The following CCSER1 variants were observed in gnomAD, a reference collection of about 807,000 sequenced individuals.
CCSER1 encodes the protein coiled-coil serine rich protein 1, also known as serine-rich coiled-coil domain-containing protein 1.
CCSER1 carries 41 observed loss-of-function variants against 82.0 expected under a neutral mutation model. That is an observed-to-expected ratio of 0.50 (90% CI 0.39 to 0.65). The LOEUF is 0.65. Among genes scored for constraint, CCSER1 ranks in the 30% least tolerant of loss-of-function variants. The probability of loss-of-function intolerance (pLI) is 0.00; values close to 1 mark genes in which losing one functional copy is unlikely to be tolerated. For missense variants in CCSER1, 1,119 were observed against 1,064.2 expected, an observed-to-expected ratio of 1.05 and a Z score of -0.72; for synonymous variants, 414 against 383.9, an observed-to-expected ratio of 1.08 and a Z score of -0.92.
At chr4:90,503,103 A>G (rs1215889328) in intron 5 of CCSER1, among the ~76,000 whole-genome samples, 2 of 152,160 alleles carry the variant, frequency 1.3e-5, no homozygotes, top group African/African-American at 2.4e-5. Flanking sequence ...ACCAGAAAAA[A>G]CTGAGTCCCT....
intron 10 of CCSER1, among the ~76,000 whole-genome samples, chr4:91,094,235 G>A (rs1028764951): frequency 2.6e-5 from 4 of 152,182 alleles, no homozygotes; most frequent in African/African-American, 9.7e-5. Flanking sequence ...CCCGAAGATG[G>A]TGGGGTAATT....
chr4:90,706,222 T>C (rs1049088426), intron 6 of CCSER1, among the ~76,000 whole-genome samples: 7 of 152,232 alleles, frequency 4.6e-5, no homozygotes, highest in Non-Finnish European at 7.3e-5. Flanking sequence ...GTAACAACCC[T>C]AATGGACTAA....
Position 91,342,076 on chromosome 4 carries a change from A to G in CCSER1, c.2217+256082A>G, listed in dbSNP as rs182771744. Among the ~76,000 whole-genome samples the G allele has an allele frequency of 6.6e-5, 10 of 152,328 alleles. No individual in the cohort carries two copies. In the East Asian group the frequency reaches 1.9e-3, roughly 29 times the overall value. On this transcript the variant is annotated intron_variant, in intron 10 of 10. Coordinates refer to ENST00000509176, the MANE Select transcript of CCSER1 (RefSeq NM_001145065.2). ...ATTTCTGTCACCTGTTTTGCTGCATAAAAGTGAATAGGCTAAAAATCTAAA... is the reference window on the plus strand; with the variant it reads ...ATTTCTGTCACCTGTTTTGCTGCATGAAAGTGAATAGGCTAAAAATCTAAA...
intron 10 of CCSER1, among the ~76,000 whole-genome samples, chr4:91,346,426 T>G (rs1175735974): frequency 1.3e-5 from 2 of 152,218 alleles, no homozygotes; most frequent in Non-Finnish European, 2.9e-5. Context: ...GCAATTGTGA[T>G]TAAAACTGCG....
chr4:90,475,383 TGAG>T (rs779125110), intron 5 of CCSER1, among the ~76,000 whole-genome samples: 54 of 152,294 alleles, frequency 3.5e-4, no homozygotes, highest in Middle Eastern at 3.4e-3. Flanking sequence ...AAGCAGCATC[TGAG>T]GAGATCAGTG....
chr4:90,848,924 G>A (rs1013292721), intron 8 of CCSER1, among the ~76,000 whole-genome samples: 1 of 152,224 alleles, frequency 6.6e-6, no homozygotes, highest in African/African-American at 2.4e-5. Context: ...GTGGAGAGGT[G>A]CCTTCTGCCA....
chr4:90,686,063 T>C (rs1273159640), intron 6 of CCSER1, among the ~76,000 whole-genome samples: 2 of 152,150 alleles, frequency 1.3e-5, no homozygotes, highest in African/African-American at 4.8e-5. Flanking sequence ...AGGCTTACAG[T>C]TACCTTGATA....
At chr4:90,188,691 C>T (rs185509957) in intron 1 of CCSER1, among the ~76,000 whole-genome samples, 10 of 151,912 alleles carry the variant, frequency 6.6e-5, no homozygotes, top group Non-Finnish European at 1.0e-4. Flanking sequence ...ACTTAGCAGG[C>T]GCATCTAGAA....
At position 90,538,862 on chromosome 4, in the gene CCSER1, G is replaced by T. The variant is rs1775749548; in HGVS notation, c.1724+70508G>T. 1.3e-5 allele frequency among the ~76,000 whole-genome samples: 2 copies of T among 151,932 alleles called. 1 individual carries two copies. Among genetic ancestry groups the T allele is most frequent in the Non-Finnish European group, 2.9e-5 (2 of 67,922 alleles). ...GGACTTTGTGAACTGAATCATTCAA[G>T]TATAAAATATTTTAAATTATTTTTC... On this transcript the variant is annotated intron_variant, in intron 5 of 10. Coordinates refer to ENST00000509176, the MANE Select transcript of CCSER1 (RefSeq NM_001145065.2).
At chr4:91,520,080 T>C (rs1476917070) in intron 10 of CCSER1, among the ~76,000 whole-genome samples, 1 of 152,216 alleles carries the variant, frequency 6.6e-6, no homozygotes, top group Non-Finnish European at 1.5e-5. Context: ...TTATGTCTTT[T>C]CTGTTCCTTG....
At chr4:90,908,650 G>T (rs1383991970) in intron 8 of CCSER1, among the ~76,000 whole-genome samples, 1 of 151,922 alleles carries the variant, frequency 6.6e-6, no homozygotes, top group Non-Finnish European at 1.5e-5. Flanking sequence ...AAACTTTTTT[G>T]TACTGATTCT....
At chr4:90,352,989 G>A (rs1252220951) in intron 3 of CCSER1, among the ~76,000 whole-genome samples, 1 of 124,750 alleles carries the variant, frequency 8.0e-6, no homozygotes, top group Non-Finnish European at 1.7e-5. Flanking sequence ...TTTAGGAACT[G>A]AGGAAATATT....
At chr4:90,225,156 A>C (rs567222806) in intron 1 of CCSER1, among the ~76,000 whole-genome samples, 2 of 150,974 alleles carry the variant, frequency 1.3e-5, no homozygotes, top group Non-Finnish European at 2.9e-5. Context: ...CTCAGCCTCC[A>C]TGGGTTCAAG....
chr4:90,810,676 A>C (rs989134581), intron 7 of CCSER1, among the ~76,000 whole-genome samples: 6 of 151,892 alleles, frequency 4.0e-5, no homozygotes, highest in African/African-American at 1.5e-4. Context: ...CAACAACAAC[A>C]ACAACCAAAA....
chr4:91,534,311 T>C (rs1761189732), intron 10 of CCSER1, among the ~76,000 whole-genome samples: 1 of 152,036 alleles, frequency 6.6e-6, no homozygotes, highest in Non-Finnish European at 1.5e-5. Flanking sequence ...TTAAATTCTT[T>C]CCGCTCTCTT....
chr4:91,061,525 G>A (rs1210890038), intron 9 of CCSER1, among the ~76,000 whole-genome samples: 1 of 151,758 alleles, frequency 6.6e-6, no homozygotes, highest in Non-Finnish European at 1.5e-5. Context: ...GAAAGGTGTT[G>A]TTTTTATTTT....
intron 5 of CCSER1, among the ~76,000 whole-genome samples, chr4:90,551,044 A>G (rs1353143867): frequency 1.3e-5 from 2 of 152,088 alleles, no homozygotes; most frequent in East Asian, 1.9e-4. Flanking sequence ...ACCTAGCACT[A>G]TTTTTCTTCT....
intron 1 of CCSER1, among the ~76,000 whole-genome samples, chr4:90,304,168 G>A (rs967546925): frequency 2.8e-4 from 43 of 152,236 alleles, no homozygotes; most frequent in Non-Finnish European, 4.7e-4. Context: ...GAGAGGATGT[G>A]GAGAAATAGG....
At chr4:90,543,284 A>G (rs548532979) in intron 5 of CCSER1, among the ~76,000 whole-genome samples, 1 of 152,270 alleles carries the variant, frequency 6.6e-6, no homozygotes, top group Admixed American at 6.5e-5. Context: ...AATCTTAGCC[A>G]TGTGTATCTA....
Sources: gnomAD v4.1 joint callset for allele counts (sites outside exome capture counted in the v4.1 genomes callset) on GRCh38, gnomAD v4.1.1 for gene constraint, MANE v1.5 for transcripts, NCBI Gene and HGNC (gene_info 2026-07-23, HGNC 2026-07-21) for gene names.